The following TRPV4 variants were observed in gnomAD, a reference collection of about 807,000 sequenced individuals.
TRPV4 encodes the protein transient receptor potential cation channel subfamily V member 4, also known as OSM9-like transient receptor potential channel 4.
In TRPV4, 58 loss-of-function variants were observed where a neutral mutation model predicts 84.1. The ratio of observed to expected loss-of-function variants is 0.69; its 90% CI spans 0.56 to 0.86. The LOEUF (loss-of-function observed/expected upper bound fraction) is 0.86, where lower values mean the gene tolerates loss of function less well. TRPV4 is among the 40% of genes least tolerant of loss of function. The pLI is 0.00. For synonymous variants in TRPV4, 489 were observed against 500.9 expected, an observed-to-expected ratio of 0.98 and a Z score of 0.32; for missense variants, 879 against 1,181.1, an observed-to-expected ratio of 0.74 and a Z score of 3.75.
At chr12:109,829,215 T>A (rs1193663277) in intron 1 of TRPV4, among the ~76,000 whole-genome samples, 1 of 151,946 alleles carries the variant, frequency 6.6e-6, no homozygotes, top group East Asian at 1.9e-4. Flanking sequence ...AGGCAATAGA[T>A]GCTGGTTTTA....
intron 8 of TRPV4, 123 bp from the exon 9 acceptor site, chr12:109,794,145 C>T: frequency 8.8e-7 from 1 of 1,134,996 alleles, no homozygotes; most frequent in Admixed American, 2.0e-5. Flanking sequence ...CACTCTCTTC[C>T]TCCTGAGTCT....
rs1042904153 is a variant in TRPV4 at position 109,814,159 on chromosome 12, T to A, written c.386+252A>T. Among the ~76,000 whole-genome samples the A allele has an allele frequency of 6.7e-6, 1 of 150,290 alleles. No individual in the cohort carries two copies. Among genetic ancestry groups the A allele is most frequent in the South Asian group, 2.1e-4 (1 of 4,734 alleles). On this transcript the variant is annotated intron_variant, in intron 2 of 15. Transcript: ENST00000261740. This position sits in a 1 kb window ranked among gnomAD's most constrained non-coding sequence, Gnocchi z 5.4. ...GAGGATATAGAGATGGAGAGATGAA[T>A]GGATTGATGGATAGATGTGTGGATG...
At chr12:109,822,683 G>A (rs1201599320) in intron 1 of TRPV4, among the ~76,000 whole-genome samples, 1 of 152,142 alleles carries the variant, frequency 6.6e-6, no homozygotes, top group Non-Finnish European at 1.5e-5. Context: ...GTGGGGGATG[G>A]GTCGCAGTCC....
chr12:109,787,374 G>A (rs1044165960), intron 13 of TRPV4, among the ~76,000 whole-genome samples: 3 of 152,194 alleles, frequency 2.0e-5, no homozygotes, highest in African/African-American at 4.8e-5. Context: ...GGAGGCCAAG[G>A]CAGGTGGATA....
At position 109,800,823 on chromosome 12, in the gene TRPV4, G is replaced by A. The variant is rs1213193781; in HGVS notation, c.713-65C>T. On this transcript the variant is annotated intron_variant, in intron 4 of 15. Transcript: ENST00000261740. ...AGAGACCTAGCCAGGCTTGCTGGGG[G>A]TGGGGGTAGGGTGCAGGACGTAGAA... 5.8e-6 allele frequency: 9 copies of A among 1,555,982 alleles called. No homozygotes were observed. The East Asian group carries it at 1.1e-4, about 20-fold the overall frequency.
intron 7 of TRPV4, among the ~76,000 whole-genome samples, chr12:109,795,697 T>C (rs994864229): frequency 1.2e-4 from 18 of 152,170 alleles, no homozygotes; most frequent in Admixed American, 7.9e-4. Flanking sequence ...CAGAACGACG[T>C]TCACAAAATA....
At chr12:109,807,276 CAAAA>C (rs200798445) in intron 3 of TRPV4, among the ~76,000 whole-genome samples, 4 of 107,370 alleles carry the variant, frequency 3.7e-5, no homozygotes. Context: ...AACTCTGTCT[CAAAA>C]AAAAAAAAAA....
chr12:109,820,279 G>A (rs1892040173), intron 1 of TRPV4, among the ~76,000 whole-genome samples: 1 of 152,134 alleles, frequency 6.6e-6, no homozygotes, highest in Non-Finnish European at 1.5e-5. Context: ...GGAGTCCTGA[G>A]TAGGGTGATG....
At chr12:109,821,144 G>A (rs1235076618) in intron 1 of TRPV4, among the ~76,000 whole-genome samples, 1 of 152,218 alleles carries the variant, frequency 6.6e-6, no homozygotes, top group East Asian at 1.9e-4. Context: ...GGGCAAGTTT[G>A]GGCATGCAAA....
intron 2 of TRPV4, among the ~76,000 whole-genome samples, chr12:109,809,860 A>G (rs1891413482): frequency 6.6e-6 from 1 of 152,258 alleles, no homozygotes. Context: ...TTCATTCAAC[A>G]AACATTTGAG....
In TRPV4 at chr12:109,792,252, A is replaced by G. The variant is rs539581104; in HGVS notation, c.1891+111T>C. On this transcript the variant is annotated intron_variant, in intron 12 of 15. Transcript: ENST00000261740. ...GAGCAAAACTCCACCTCAAAAAAAA[A>G]AAAAAAAAAAAAAGAACTCAGCAAG... The G allele has an allele frequency of 1.3e-5, 11 of 825,012 alleles. No homozygotes were observed. The African/African-American group carries it at 1.8e-4, about 13-fold the overall frequency. The allele number at this position is 825,012 out of a possible 1,614,324, so 51.1% of individuals were successfully genotyped here.
chr12:109,794,357 G>T lies in TRPV4; in HGVS notation c.1463C>A (p.Thr488Asn). 6.2e-7 allele frequency: 1 copy of T among 1,613,076 alleles called. No individual in the cohort carries two copies. The change falls in exon 8 of 16, where the codon ACC (threonine) becomes AAC (asparagine). Residue 488 changes from threonine to asparagine, a missense_variant. Coordinates refer to ENST00000261740, the MANE Select transcript of TRPV4 (RefSeq NM_021625.5). Reference protein sequence around the residue: ...YLCAMVIFTLTAYYQPLEGTP... With the variant: ...YLCAMVIFTLNAYYQPLEGTP... ...GCCCTCCAGCGGCTGGTAGTAGGCG[G>T]TGAGAGTGAAGATGACCATGGCACA...
At chr12:109,829,849 A>T (rs1221747986) in intron 1 of TRPV4, among the ~76,000 whole-genome samples, 1 of 152,252 alleles carries the variant, frequency 6.6e-6, no homozygotes, top group African/African-American at 2.4e-5. Context: ...GTTTTGAGAC[A>T]GGATCTCTTG....
intron 1 of TRPV4, among the ~76,000 whole-genome samples, chr12:109,819,407 G>T (rs768711848): frequency 6.6e-6 from 1 of 152,132 alleles, no homozygotes; most frequent in Non-Finnish European, 1.5e-5. Flanking sequence ...CTTCGTTCCC[G>T]CACGGGCTCA....
At chr12:109,802,614 A>ATT (rs34679148) in intron 4 of TRPV4, among the ~76,000 whole-genome samples, 33,018 of 103,114 alleles carry the variant, frequency 0.32, 4,689 homozygotes, top group East Asian at 0.61. Flanking sequence ...CTTTTATTTT[A>ATT]TTTTTTTTTT....
Position 109,814,247 on chromosome 12 carries a change from AG to A in TRPV4, c.386+163del, listed in dbSNP as rs917620840. Among the ~76,000 whole-genome samples, 1 of 151,224 alleles carries A rather than the reference AG, an allele frequency of 6.6e-6. No individual in the cohort carries two copies. The highest frequency in any genetic ancestry group is 1.5e-5 in the Non-Finnish European group (1 of 67,764). ...ATGGATGGACGGATGATATATGGAT[AG>A]GGAGATGAATAGATGGATGGATAGA... On this transcript the variant is annotated intron_variant, in intron 2 of 15. Transcript: ENST00000261740. The surrounding 1 kb of genome is among the most constrained non-coding windows in gnomAD (Gnocchi z 5.4).
chr12:109,827,004 CT>C (rs1245623433), intron 1 of TRPV4, among the ~76,000 whole-genome samples: 2 of 144,954 alleles, frequency 1.4e-5, no homozygotes, highest in African/African-American at 5.8e-5. Flanking sequence ...ATAGCAGCTG[CT>C]CAAGATGTAT....
chr12:109,819,081 G>C, intron 1 of TRPV4, among the ~76,000 whole-genome samples: 1 of 151,406 alleles, frequency 6.6e-6, no homozygotes, highest in East Asian at 1.9e-4. Context: ...ATAGGCATGT[G>C]TACACACACA....
rs887436445 is a variant in TRPV4, at chr12:109,786,964, A to G, written c.2209-127T>C. The G allele has an allele frequency of 3.3e-5, 44 of 1,318,156 alleles. No individual in the cohort carries two copies. The highest frequency in any genetic ancestry group is 4.3e-5 in the Non-Finnish European group (41 of 942,788). The allele number at this position is 1,318,156 out of a possible 1,614,324, so 81.7% of individuals were successfully genotyped here. ...CTAGGCATTTAGACTCCTACTCCCC[A>G]CTAGACACAGGGTTTATAAACTCAA... is the stretch of plus-strand genomic sequence containing the variant. On this transcript the variant is annotated intron_variant, in intron 13 of 15. Coordinates refer to ENST00000261740, the MANE Select transcript of TRPV4 (RefSeq NM_021625.5). This position sits in a 1 kb window ranked among gnomAD's most constrained non-coding sequence, Gnocchi z 4.5.
Sources: gnomAD v4.1 joint callset for allele counts (sites outside exome capture counted in the v4.1 genomes callset) on GRCh38, gnomAD v4.1.1 for gene constraint, Gnocchi (gnomAD v3.1) non-coding constraint, MANE v1.5 for transcripts, NCBI Gene and HGNC (gene_info 2026-07-23, HGNC 2026-07-21) for gene names.